RGS10: variants seen among roughly 807,000 people sequenced by gnomAD.
RGS10 encodes the protein regulator of G-protein signalling 10.
In RGS10, 11 loss-of-function variants were observed where a neutral mutation model predicts 23.5. That is an observed-to-expected ratio of 0.47 (90% confidence interval 0.29 to 0.77). RGS10 has a LOEUF of 0.77. Ranked by LOEUF, RGS10 falls within the 30% of genes least tolerant of loss-of-function variation. The pLI is 0.08. For missense variants in RGS10, 180 were observed against 226.3 expected (o/e 0.80, Z 1.31); for synonymous variants, 77 against 83.2 (o/e 0.92, Z 0.41).
chr10:119,523,452 G>A (rs747640554), intron 3 of RGS10, among the ~76,000 whole-genome samples: 5 of 152,186 alleles, frequency 3.3e-5, no homozygotes, highest in Admixed American at 1.3e-4. Context: ...ATCACTTGAG[G>A]TCAGAAGTTC....
rs1307748331 is a variant in RGS10 at position 119,524,144 on chromosome 10, C to G, written c.255+1888G>C. Among the ~76,000 whole-genome samples, 1 of 152,228 alleles carries G rather than the reference C, an allele frequency of 6.6e-6. No homozygotes were observed. The highest frequency in any genetic ancestry group is 1.5e-5 in the Non-Finnish European group (1 of 68,046). On this transcript the variant is annotated intron_variant, in intron 3 of 4. Coordinates refer to ENST00000369103, the MANE Select transcript of RGS10 (RefSeq NM_001005339.2). The surrounding 1 kb of genome is among the most constrained non-coding windows in gnomAD (Gnocchi z 5.2). ...CACATGTGCTTCCCATCTCTACACT[C>G]ATTGCACTTGCACAGGCTTGCTCCC...
Position 119,517,829 on chromosome 10 carries a change from G to A in RGS10, c.256-2177C>T, listed in dbSNP as rs1471863226. 6.6e-6 allele frequency among the ~76,000 whole-genome samples: 1 copy of A among 152,246 alleles called. No individual in the cohort carries two copies. The highest frequency in any genetic ancestry group is 1.5e-5 in the Non-Finnish European group (1 of 68,048). On this transcript the variant is annotated intron_variant, in intron 3 of 4. Coordinates refer to ENST00000369103, the MANE Select transcript of RGS10 (RefSeq NM_001005339.2). The surrounding 1 kb of genome is among the most constrained non-coding windows in gnomAD (Gnocchi z 5.0). ...GGAGAGGAAGTAGGTTCCAGTGACT[G>A]CAGGTATATAAGCTTTGAGGGTCTC...
chr10:119,527,524 C>G lies in RGS10; in HGVS notation c.50-100G>C. On this transcript the variant is annotated intron_variant, in intron 1 of 4. Coordinates refer to ENST00000369103, the MANE Select transcript of RGS10 (RefSeq NM_001005339.2). This position sits in a 1 kb window ranked among gnomAD's most constrained non-coding sequence, Gnocchi z 4.2. ...GCACTGCCGTCACCATCACGGCTGACATACACCGACTTATGCGTCAGGCTC... is the reference window on the plus strand; with the variant it reads ...GCACTGCCGTCACCATCACGGCTGAGATACACCGACTTATGCGTCAGGCTC... The G allele has an allele frequency of 1.2e-6, 1 of 854,136 alleles. No homozygotes were observed. The highest frequency in any genetic ancestry group is 2.0e-6 in the Non-Finnish European group (1 of 507,944). The allele number at this position is 854,136 out of a possible 1,614,324, so 52.9% of individuals were successfully genotyped here.
intron 1 of RGS10, among the ~76,000 whole-genome samples, chr10:119,537,873 C>G (rs964481623): frequency 6.6e-6 from 1 of 152,116 alleles, no homozygotes; most frequent in Non-Finnish European, 1.5e-5. Flanking sequence ...TTACGTGGGG[C>G]ACAGTGCAGG....
intron 1 of RGS10, 59 bp downstream of exon 1, chr10:119,542,531 G>A: frequency 1.5e-6 from 2 of 1,344,546 alleles, no homozygotes; most frequent in South Asian, 1.7e-5. Flanking sequence ...GAGGGCAGGA[G>A]GCCGGGCGGG....
At chr10:119,507,158 G>A (rs918680759) in intron 4 of RGS10, among the ~76,000 whole-genome samples, 3 of 152,126 alleles carry the variant, frequency 2.0e-5, no homozygotes, top group African/African-American at 7.2e-5. Context: ...AGCGGAGCAT[G>A]CTGGAAAATA....
intron 1 of RGS10, among the ~76,000 whole-genome samples, chr10:119,540,748 AAAGT>A (rs1208093501): frequency 5.3e-5 from 8 of 152,224 alleles, no homozygotes; most frequent in African/African-American, 1.9e-4. Flanking sequence ...AAAGCAATCT[AAAGT>A]AATAAGTAAC....
chr10:119,509,460 G>A (rs1332143278), intron 4 of RGS10, among the ~76,000 whole-genome samples: 3 of 150,804 alleles, frequency 2.0e-5, no homozygotes, highest in Non-Finnish European at 3.0e-5. Flanking sequence ...GCATGTTGAC[G>A]CTCGCCTGTA....
chr10:119,529,860 G>A (rs775234007), intron 1 of RGS10, among the ~76,000 whole-genome samples: 6 of 152,036 alleles, frequency 3.9e-5, no homozygotes, highest in Non-Finnish European at 5.9e-5. Context: ...TTGGGAGGCC[G>A]AGGCAGGCAG....
chr10:119,526,740 C>A (rs893956972), intron 2 of RGS10, among the ~76,000 whole-genome samples: 16 of 152,196 alleles, frequency 1.1e-4, no homozygotes, highest in Admixed American at 9.2e-4. Flanking sequence ...TCATCCTATT[C>A]CTGACCCAAG....
At chr10:119,508,532 A>C (rs1185072789) in intron 4 of RGS10, among the ~76,000 whole-genome samples, 2 of 152,204 alleles carry the variant, frequency 1.3e-5, no homozygotes, top group Non-Finnish European at 2.9e-5. Flanking sequence ...AAGGTGTGTA[A>C]ACTGGGGCTA....
intron 4 of RGS10, among the ~76,000 whole-genome samples, chr10:119,506,301 G>C (rs1334304283): frequency 6.6e-6 from 1 of 152,258 alleles, no homozygotes; most frequent in African/African-American, 2.4e-5. Flanking sequence ...AGACGAAGCA[G>C]CTCAAGTCAG....
rs776173608 is a variant in RGS10 at position 119,515,645 on chromosome 10, TC to T, written c.262del (p.Glu88LysfsTer8). The T allele has an allele frequency of 6.2e-7, 1 of 1,613,194 alleles. No individual in the cohort carries two copies. Among genetic ancestry groups the T allele is most frequent in the Non-Finnish European group, 8.5e-7 (1 of 1,179,738 alleles). ...KKMQDKTQMQ[E>X]KAKEIYMTFL... ...GGTCATGTAGATCTCCTTTGCCTTT[TC>T]CTGCATCTGGAGGAGACAGATGGGG... On this transcript the variant is annotated frameshift_variant, in exon 4 of 5. Transcript: ENST00000369103. LOFTEE classifies it high-confidence loss of function.
chr10:119,529,758 TA>T (rs952591297), intron 1 of RGS10, among the ~76,000 whole-genome samples: 1 of 152,034 alleles, frequency 6.6e-6, no homozygotes. Flanking sequence ...CATGTTTCTA[TA>T]AAAAAAAGTT....
intron 3 of RGS10, among the ~76,000 whole-genome samples, chr10:119,518,448 T>C (rs1042620096): frequency 6.6e-6 from 1 of 152,174 alleles, no homozygotes; most frequent in Admixed American, 6.5e-5. Context: ...ACTGTGACAA[T>C]GCTCAGCCAG....
intron 4 of RGS10, among the ~76,000 whole-genome samples, chr10:119,506,997 C>G (rs1395552816): frequency 6.6e-6 from 1 of 152,204 alleles, no homozygotes; most frequent in African/African-American, 2.4e-5. Flanking sequence ...CCATGCCCAG[C>G]ACCAAATACC....
chr10:119,516,056 A>G (rs1844139532), intron 3 of RGS10, among the ~76,000 whole-genome samples: 1 of 152,172 alleles, frequency 6.6e-6, no homozygotes, highest in South Asian at 2.1e-4. Flanking sequence ...GTTCGAGAGC[A>G]GCCTGGCCAA....
chr10:119,535,714 C>T (rs1275028899), intron 1 of RGS10, among the ~76,000 whole-genome samples: 1 of 152,178 alleles, frequency 6.6e-6, no homozygotes, highest in Admixed American at 6.5e-5. Flanking sequence ...AACTTACATC[C>T]TCAGAAGGTT....
chr10:119,515,822 C>G (rs1223891311), intron 3 of RGS10, among the ~76,000 whole-genome samples, 170 bp from the exon 4 acceptor site: 1 of 152,172 alleles, frequency 6.6e-6, no homozygotes, highest in African/African-American at 2.4e-5. Flanking sequence ...TATGGGAGAG[C>G]CTGCACTGCC....
Sources: allele counts gnomAD v4.1 joint callset (sites outside exome capture counted in the v4.1 genomes callset), GRCh38; gene constraint gnomAD v4.1.1; non-coding constraint Gnocchi (gnomAD v3.1); transcripts MANE v1.5; gene names NCBI Gene and HGNC (gene_info 2026-07-23, HGNC 2026-07-21).